Variants in TANC1 observed in about 807,000 individuals in gnomAD.
TANC1 encodes the protein protein TANC1.
Under a neutral mutation model 149.7 loss-of-function variants are expected in TANC1, and 77 were observed. The observed-to-expected ratio is 0.51, with a 90% CI of 0.43 to 0.62. TANC1 has a LOEUF of 0.62. TANC1 is among the 20% of genes least tolerant of loss of function. The probability of loss-of-function intolerance (pLI) is 0.00; values close to 1 mark genes in which losing one functional copy is unlikely to be tolerated. For missense variants in TANC1, 1,985 were observed against 2,321.8 expected (o/e 0.85, Z 2.98); for synonymous variants, 854 against 925.0 (o/e 0.92, Z 1.39).
Position 159,178,780 on chromosome 2 carries a change from C to T in TANC1, c.2127C>T (p.Leu709=). 1 of 1,614,208 alleles carries T rather than the reference C, an allele frequency of 6.2e-7. No homozygotes were observed. The highest frequency in any genetic ancestry group is 8.5e-7 in the Non-Finnish European group (1 of 1,180,036). Reference sequence around the variant, plus strand: ...TCGGCTCCTACCTGTACCTCAAGCTCACCCTGGACCTTTTCCAGAGGGGCC... The same window carrying T: ...TCGGCTCCTACCTGTACCTCAAGCTTACCCTGGACCTTTTCCAGAGGGGCC... ...RSLGSYLYLK[L]TLDLFQRGHL... is the part of the protein sequence containing the mutation. Residue 709 remains leucine (L), a synonymous_variant, in exon 14 of 27, where the codon CTC becomes CTT. Coordinates refer to ENST00000263635, the MANE Select transcript of TANC1 (RefSeq NM_033394.3).
intron 1 of TANC1, among the ~76,000 whole-genome samples, chr2:158,981,062 G>A (rs1044822485): frequency 1.3e-5 from 2 of 152,032 alleles, no homozygotes; most frequent in Non-Finnish European, 2.9e-5. Context: ...AGCAAGATTA[G>A]AGTCAAGTAA....
At chr2:159,093,718 A>G (rs575753084) in intron 3 of TANC1, among the ~76,000 whole-genome samples, 2 of 152,258 alleles carry the variant, frequency 1.3e-5, no homozygotes, top group African/African-American at 4.8e-5. Context: ...TGGTAAAGTA[A>G]ACTTGAAATG....
In TANC1 at chr2:159,150,474, C is replaced by G; in HGVS notation, c.600C>G (p.Ser200Arg). ...SPCSTLNSCV[S>R]KTAANKSPCE... ...GCTCAACCTTGAATAGCTGTGTCAG[C>G]AAGACGGCAGCCAACAAAAGTCCCT... Residue 200 changes from serine (S) to arginine (R), a missense_variant, in exon 7 of 27, where the codon AGC (serine) becomes AGG (arginine). Physicochemically the swap from Ser to Arg is moderately radical, Grantham distance 110. Coordinates refer to ENST00000263635, the MANE Select transcript of TANC1 (RefSeq NM_033394.3). The G allele has an allele frequency of 6.2e-7, 1 of 1,614,098 alleles. No homozygotes were observed. The highest frequency in any genetic ancestry group is 8.5e-7 in the Non-Finnish European group (1 of 1,179,962).
intron 19 of TANC1, among the ~76,000 whole-genome samples, chr2:159,204,063 T>C (rs2058441395): frequency 6.6e-6 from 1 of 152,258 alleles, no homozygotes; most frequent in Non-Finnish European, 1.5e-5. Context: ...CTTGTGCAAC[T>C]GAGGAACAAT....
intron 8 of TANC1, 151 bp downstream of exon 8, chr2:159,163,697 C>G: frequency 2.7e-6 from 2 of 753,054 alleles, no homozygotes; most frequent in East Asian, 2.7e-5. Context: ...GTTTACTAAT[C>G]TGTAAACACA....
chr2:159,227,073 T>C (rs1414903629), intron 24 of TANC1: 1 of 152,256 alleles, frequency 6.6e-6, no homozygotes, highest in Non-Finnish European at 1.5e-5. Flanking sequence ...GTAGATTTTT[T>C]CCTTCTCATT....
At chr2:159,079,692 A>T (rs1374623736) in intron 3 of TANC1, among the ~76,000 whole-genome samples, 1 of 152,166 alleles carries the variant, frequency 6.6e-6, no homozygotes, top group African/African-American at 2.4e-5. Flanking sequence ...AGTTAGTGGA[A>T]GGTTGAGGGA....
intron 2 of TANC1, among the ~76,000 whole-genome samples, chr2:159,062,992 A>AAAAAAAAAAAAAG (rs1559188236): frequency 3.4e-5 from 5 of 147,508 alleles, no homozygotes; most frequent in African/African-American, 1.2e-4. Context: ...AAAAAAAAAA[A>AAAAAAAAAAAAAG]AAAGAAAGCA....
At chr2:159,124,831 T>G (rs2049231717) in intron 4 of TANC1, among the ~76,000 whole-genome samples, 1 of 151,478 alleles carries the variant, frequency 6.6e-6, no homozygotes, top group Non-Finnish European at 1.5e-5. Context: ...CCTCGACTTG[T>G]GTGATCCTCC....
chr2:158,974,484 A>G (rs1382542913), intron 1 of TANC1, among the ~76,000 whole-genome samples: 1 of 152,278 alleles, frequency 6.6e-6, no homozygotes, highest in African/African-American at 2.4e-5. Context: ...CCCAGGCTGG[A>G]GCACAGTGGT....
intron 5 of TANC1, among the ~76,000 whole-genome samples, chr2:159,142,922 G>T (rs1574936676): frequency 6.6e-6 from 1 of 151,864 alleles, no homozygotes; most frequent in East Asian, 1.9e-4. Context: ...AACTAACTGG[G>T]CATGGTGGTG....
intron 2 of TANC1, among the ~76,000 whole-genome samples, chr2:159,046,109 T>C (rs1346415202): frequency 6.6e-6 from 1 of 152,206 alleles, no homozygotes; most frequent in Non-Finnish European, 1.5e-5. Flanking sequence ...TTGTGGGTTT[T>C]TTTTTTCCCC....
rs370321128 is a variant in TANC1, at chr2:159,185,779, T to C, written c.2511-12T>C. On this transcript the variant is annotated splice_polypyrimidine_tract_variant and intron_variant, in intron 14 of 26. Transcript: ENST00000263635. Reference sequence around the variant, plus strand: ...GCTCTTCTGCTGTGAGCCTTTGTATTCCTTCCCCTAGGAACGGGCACGCGC... The same window carrying C: ...GCTCTTCTGCTGTGAGCCTTTGTATCCCTTCCCCTAGGAACGGGCACGCGC... The C allele has an allele frequency of 3.7e-6, 6 of 1,606,544 alleles. No individual in the cohort carries two copies. Among genetic ancestry groups the C allele is most frequent in the African/African-American group, 2.7e-5 (2 of 74,874 alleles).
intron 19 of TANC1, among the ~76,000 whole-genome samples, chr2:159,200,207 C>T (rs2058144232): frequency 6.6e-6 from 1 of 152,218 alleles, no homozygotes; most frequent in Non-Finnish European, 1.5e-5. Flanking sequence ...TGGATAAGAG[C>T]ATGACTGCTG....
At chr2:159,134,417 A>T (rs1203056227) in intron 4 of TANC1, among the ~76,000 whole-genome samples, 1 of 149,826 alleles carries the variant, frequency 6.7e-6, no homozygotes. Context: ...TGATCCTCCC[A>T]CCTCAGCCTC....
intron 4 of TANC1, among the ~76,000 whole-genome samples, chr2:159,108,319 T>A (rs932440277): frequency 9.2e-5 from 14 of 152,180 alleles, no homozygotes; most frequent in African/African-American, 3.4e-4. Context: ...TCTCTCCCAT[T>A]TTCACGCTTT....
intron 2 of TANC1, among the ~76,000 whole-genome samples, chr2:159,030,076 T>A (rs1245666744): frequency 6.6e-6 from 1 of 152,176 alleles, no homozygotes; most frequent in Non-Finnish European, 1.5e-5. Flanking sequence ...TTTTATTCAC[T>A]GGTCACTCAC....
intron 22 of TANC1, among the ~76,000 whole-genome samples, chr2:159,221,688 A>G (rs1302424046): frequency 6.6e-6 from 1 of 152,240 alleles, no homozygotes; most frequent in African/African-American, 2.4e-5. Flanking sequence ...AAGCCTGCAT[A>G]GTATTTCATC....
At chr2:159,123,424 G>A (rs960660705) in intron 4 of TANC1, among the ~76,000 whole-genome samples, 6 of 152,052 alleles carry the variant, frequency 3.9e-5, no homozygotes, top group Non-Finnish European at 8.8e-5. Context: ...GGGAGGGGTC[G>A]TGGAGCACCT....
Sources: allele counts gnomAD v4.1 joint callset (sites outside exome capture counted in the v4.1 genomes callset), GRCh38; gene constraint gnomAD v4.1.1; transcripts MANE v1.5; gene names NCBI Gene and HGNC (gene_info 2026-07-23, HGNC 2026-07-21).